RGS3: variants seen among roughly 807,000 people sequenced by gnomAD.
The protein encoded by RGS3 is regulator of G-protein signalling 3.
Under a neutral mutation model 132.6 loss-of-function variants are expected in RGS3, and 80 were observed. The ratio of observed to expected loss-of-function variants is 0.60; its 90% CI spans 0.50 to 0.73. The LOEUF is 0.73. Among genes scored for constraint, RGS3 ranks in the 30% least tolerant of loss-of-function variants. The pLI is 0.00. For missense variants in RGS3, 1,382 were observed against 1,530.8 expected (o/e 0.90, Z 1.62); for synonymous variants, 598 against 620.6 (o/e 0.96, Z 0.54).
intron 3 of RGS3, among the ~76,000 whole-genome samples, chr9:113,464,729 C>T (rs763531778): frequency 1.1e-4 from 17 of 152,310 alleles, no homozygotes; most frequent in East Asian, 1.9e-4. Context: ...ACCTGTCCAG[C>T]GCATTTTTGT....
rs376076278 is a variant in RGS3, at chr9:113,522,766, C to T, written c.1759-164C>T. ...CCATCTTGACTGCAGGTCAGGACTGCCCTTGGCTGAGGCTGTACTGAGCAC... is the reference window on the plus strand; with the variant it reads ...CCATCTTGACTGCAGGTCAGGACTGTCCTTGGCTGAGGCTGTACTGAGCAC... On this transcript the variant is annotated intron_variant, in intron 16 of 24. Coordinates refer to ENST00000350696, the Ensembl canonical transcript of RGS3. The T allele has an allele frequency of 1.4e-4, 90 of 653,250 alleles. 1 individual carries two copies. The South Asian group carries it at 1.4e-3, about 10-fold the overall frequency. 40.5% of individuals were successfully genotyped at this position (653,250 alleles called of 1,614,324 possible).
At chr9:113,471,928 C>T (rs1829847776) in intron 3 of RGS3, among the ~76,000 whole-genome samples, 1 of 152,074 alleles carries the variant, frequency 6.6e-6, no homozygotes, top group Admixed American at 6.6e-5. Flanking sequence ...AGAAAGAACT[C>T]CCATAAAAAG....
At chr9:113,469,537 ATAT>A (rs1169616575) in intron 3 of RGS3, among the ~76,000 whole-genome samples, 1 of 152,150 alleles carries the variant, frequency 6.6e-6, no homozygotes, top group African/African-American at 2.4e-5. Flanking sequence ...AAAGTTTGAA[ATAT>A]TATACAGACA....
At position 113,463,492 on chromosome 9, in the gene RGS3, C is replaced by T. The variant is rs2119163036; in HGVS notation, c.415+1291C>T. On this transcript the variant is annotated intron_variant, in intron 3 of 24. Coordinates refer to ENST00000350696, the Ensembl canonical transcript of RGS3. The surrounding 1 kb of genome is among the most constrained non-coding windows in gnomAD (Gnocchi z 4.6). ...GGACTGGCATTTCCAACCGGGAGCG[C>T]GGTGCTGGGGCCGGGATACCCGGGG... Among the ~76,000 whole-genome samples the T allele has an allele frequency of 6.6e-6, 1 of 152,270 alleles. No homozygotes were observed. The highest frequency in any genetic ancestry group is 2.4e-5 in the African/African-American group (1 of 41,566).
At chr9:113,518,242 C>T (rs1831772442) in intron 16 of RGS3, among the ~76,000 whole-genome samples, 1 of 152,168 alleles carries the variant, frequency 6.6e-6, no homozygotes, top group Non-Finnish European at 1.5e-5. Context: ...AAGTTGGAGC[C>T]CTGGGCTCTG....
intron 19 of RGS3, among the ~76,000 whole-genome samples, chr9:113,552,543 C>T (rs1833384403): frequency 6.6e-6 from 1 of 152,164 alleles, no homozygotes; most frequent in Admixed American, 6.6e-5. Context: ...TGGTCTCCAT[C>T]TCCTGACCTC....
At chr9:113,517,416 G>T in intron 15 of RGS3, 125 bp from the exon 14 acceptor site, 1 of 764,972 alleles carries the variant, frequency 1.3e-6, no homozygotes, top group Non-Finnish European at 2.3e-6. Context: ...GGTCGGTGGC[G>T]GGCTGACAGT....
chr9:113,476,381 T>C (rs1431731512), intron 3 of RGS3, among the ~76,000 whole-genome samples: 1 of 152,084 alleles, frequency 6.6e-6, no homozygotes, highest in African/African-American at 2.4e-5. Context: ...CTGGACAAGA[T>C]GACTTCAGGG....
chr9:113,512,398 G>A (rs973554952), intron 14 of RGS3, among the ~76,000 whole-genome samples: 1 of 152,084 alleles, frequency 6.6e-6, no homozygotes, highest in African/African-American at 2.4e-5. Flanking sequence ...TCCTCTCTCC[G>A]TGACTCACAG....
chr9:113,593,301 C>G (rs549370311), intron 21 of RGS3, among the ~76,000 whole-genome samples: 1 of 152,180 alleles, frequency 6.6e-6, no homozygotes, highest in Non-Finnish European at 1.5e-5. Context: ...TCAAACTTAC[C>G]AAACCCCCTT....
intron 1 of RGS3, among the ~76,000 whole-genome samples, chr9:113,448,841 T>G (rs1325881933): frequency 6.6e-6 from 1 of 152,208 alleles, no homozygotes; most frequent in East Asian, 1.9e-4. Flanking sequence ...ACTACAGTGA[T>G]GAGAAGAAGG....
At chr9:113,474,576 G>A (rs746994944) in intron 3 of RGS3, among the ~76,000 whole-genome samples, 1 of 152,174 alleles carries the variant, frequency 6.6e-6, no homozygotes, top group Admixed American at 6.5e-5. Flanking sequence ...TCCCTCCTGC[G>A]AGGAAGACTT....
At position 113,463,925 on chromosome 9, in the gene RGS3, C is replaced by A; in HGVS notation, c.415+1724C>A. On this transcript the variant is annotated intron_variant, in intron 3 of 24. Coordinates refer to ENST00000350696, the Ensembl canonical transcript of RGS3. The surrounding 1 kb of genome is among the most constrained non-coding windows in gnomAD (Gnocchi z 4.6). ...TGGCGGCAGGGGCTGCTTCACCCTGCTCCCAGCGCCCAGAAACGCAGCCCC... is the reference window on the plus strand; with the variant it reads ...TGGCGGCAGGGGCTGCTTCACCCTGATCCCAGCGCCCAGAAACGCAGCCCC... 6.2e-7 allele frequency: 1 copy of A among 1,602,114 alleles called. No individual in the cohort carries two copies. The highest frequency in any genetic ancestry group is 1.7e-5 in the Admixed American group (1 of 58,874).
chr9:113,485,444 A>G (rs1830302563), intron 6 of RGS3, among the ~76,000 whole-genome samples, 181 bp from the exon 5 acceptor site: 1 of 152,220 alleles, frequency 6.6e-6, no homozygotes, highest in Non-Finnish European at 1.5e-5. Flanking sequence ...GTCCTTAACA[A>G]CATAATATAA....
Position 113,537,152 on chromosome 9 carries a change from G to T in RGS3, c.2037+234G>T, listed in dbSNP as rs533810427. On this transcript the variant is annotated intron_variant, in intron 19 of 24. Coordinates refer to ENST00000350696, the Ensembl canonical transcript of RGS3. The surrounding 1 kb of genome is among the most constrained non-coding windows in gnomAD (Gnocchi z 4.3). ...GTAGAGCGACAGAGCCAAATTAAGC[G>T]TGGCCCATCAGTTCTGCACTCTGTT... Among the ~76,000 whole-genome samples the T allele has an allele frequency of 3.9e-5, 6 of 152,028 alleles. No individual in the cohort carries two copies. The South Asian group carries it at 1.3e-3, about 32-fold the overall frequency.
At chr9:113,491,772 T>A (rs1259122409) in intron 7 of RGS3, among the ~76,000 whole-genome samples, 1 of 152,174 alleles carries the variant, frequency 6.6e-6, no homozygotes, top group Non-Finnish European at 1.5e-5. Flanking sequence ...CAGACTGATC[T>A]CAAACTCCTG....
At chr9:113,460,731 T>G (rs532228484) in intron 1 of RGS3, among the ~76,000 whole-genome samples, 38 of 152,208 alleles carry the variant, frequency 2.5e-4, no homozygotes, top group South Asian at 8.3e-4. Context: ...AAGTTCCCTT[T>G]GTTATTATTT....
In RGS3 at chr9:113,505,536, CAG is replaced by C. The variant is rs749221364; in HGVS notation, c.979+14_979+15del. On this transcript the variant is annotated intron_variant, in intron 11 of 24. Coordinates refer to ENST00000350696, the Ensembl canonical transcript of RGS3. ...GCCGTGGATTCCGGTAAGTTATTGACAGGGGGATGCCAACCCCACTTGCCCAC... is the reference window on the plus strand; with the variant it reads ...GCCGTGGATTCCGGTAAGTTATTGACGGGGATGCCAACCCCACTTGCCCAC... The C allele has an allele frequency of 3.7e-6, 6 of 1,610,602 alleles. No individual in the cohort carries two copies. In the Admixed American group the frequency reaches 5.0e-5, roughly 13 times the overall value.
chr9:113,547,540 C>T (rs190295470), intron 19 of RGS3, among the ~76,000 whole-genome samples: 1 of 152,260 alleles, frequency 6.6e-6, no homozygotes, highest in East Asian at 1.9e-4. Context: ...TTCAACTTCA[C>T]GTGTATATAG....
Sources: allele counts gnomAD v4.1 joint callset (sites outside exome capture counted in the v4.1 genomes callset), GRCh38; gene constraint gnomAD v4.1.1; non-coding constraint Gnocchi (gnomAD v3.1); transcripts MANE v1.5; gene names NCBI Gene and HGNC (gene_info 2026-07-23, HGNC 2026-07-21).